The following KAZN variants were observed in gnomAD, a reference collection of about 807,000 sequenced individuals.
The protein encoded by KAZN is kazrin, periplakin interacting protein, also known as kazrin.
Under a neutral mutation model 87.4 loss-of-function variants are expected in KAZN, and 40 were observed. That is an observed-to-expected ratio of 0.46 (90% CI 0.36 to 0.60). The LOEUF is 0.60. Ranked by LOEUF, KAZN falls within the 20% of genes least tolerant of loss-of-function variation. KAZN has a pLI of 0.00. For missense variants in KAZN, 898 were observed against 1,073.9 expected (o/e 0.84, Z 2.29); for synonymous variants, 466 against 458.3 (o/e 1.02, Z -0.22).
chr1:15,008,935 C>G (rs550011464), intron 2 of KAZN, among the ~76,000 whole-genome samples: 3 of 152,216 alleles, frequency 2.0e-5, no homozygotes, highest in African/African-American at 4.8e-5. Flanking sequence ...GTTATTCCCC[C>G]CTGGACAATC....
intron 1 of KAZN, among the ~76,000 whole-genome samples, chr1:13,923,657 G>A (rs1006580008): frequency 1.3e-5 from 2 of 151,154 alleles, no homozygotes; most frequent in Non-Finnish European, 2.9e-5. Context: ...TCGCCTTCAT[G>A]CTGAGTAGGC....
intron 1 of KAZN, among the ~76,000 whole-genome samples, chr1:14,620,984 G>A (rs1256434607): frequency 2.0e-5 from 3 of 152,146 alleles, no homozygotes; most frequent in African/African-American, 7.2e-5. Context: ...GGAAACTGGA[G>A]CTGTCACATC....
intron 2 of KAZN, among the ~76,000 whole-genome samples, chr1:15,030,886 C>T (rs542513216): frequency 6.6e-6 from 1 of 152,240 alleles, no homozygotes; most frequent in South Asian, 2.1e-4. Flanking sequence ...GGAATTTAAA[C>T]AGCTGCCTGA....
intron 2 of KAZN, among the ~76,000 whole-genome samples, chr1:14,320,507 C>T (rs1413827370): frequency 6.6e-6 from 1 of 152,170 alleles, no homozygotes; most frequent in Non-Finnish European, 1.5e-5. Flanking sequence ...CCCTACACAC[C>T]TGCAACCCCC....
At chr1:14,732,473 T>C (rs896124508) in intron 1 of KAZN, among the ~76,000 whole-genome samples, 6 of 152,114 alleles carry the variant, frequency 3.9e-5, no homozygotes, top group Admixed American at 1.3e-4. Context: ...ACCCCCTCTC[T>C]ATAAAAAATA....
At chr1:14,777,120 T>G (rs1425476001) in intron 1 of KAZN, among the ~76,000 whole-genome samples, 1 of 151,636 alleles carries the variant, frequency 6.6e-6, no homozygotes, top group African/African-American at 2.4e-5. Flanking sequence ...CCTGAGTAGC[T>G]GGGACTACAG....
At chr1:14,425,862 A>C (rs369379740) in intron 2 of KAZN, among the ~76,000 whole-genome samples, 4 of 152,310 alleles carry the variant, frequency 2.6e-5, no homozygotes, top group African/African-American at 7.2e-5. Context: ...ATGAGATTTG[A>C]GTCCAAGTTT....
chr1:14,100,268 C>A (rs985214497), intron 1 of KAZN, among the ~76,000 whole-genome samples: 1 of 152,166 alleles, frequency 6.6e-6, no homozygotes, highest in Non-Finnish European at 1.5e-5. Flanking sequence ...GAATCTGAGG[C>A]ATACACGGAG....
At chr1:15,055,630 C>T (rs1385747118) in intron 4 of KAZN, among the ~76,000 whole-genome samples, 1 of 152,196 alleles carries the variant, frequency 6.6e-6, no homozygotes, top group Non-Finnish European at 1.5e-5. Context: ...AACTTCACTT[C>T]TTCTACTTGT....
At chr1:14,638,159 C>T (rs973697707) in intron 1 of KAZN, among the ~76,000 whole-genome samples, 1 of 152,204 alleles carries the variant, frequency 6.6e-6, no homozygotes, top group Non-Finnish European at 1.5e-5. Flanking sequence ...CTCGTCTCAA[C>T]GAATCACCTC....
At position 14,773,305 on chromosome 1, in the gene KAZN, G is replaced by A. The variant is rs1327897050; in HGVS notation, c.226+174082G>A. Among the ~76,000 whole-genome samples, 3 of 152,076 alleles carry A rather than the reference G, an allele frequency of 2.0e-5. No individual in the cohort carries two copies. The highest frequency in any genetic ancestry group is 2.9e-5 in the Non-Finnish European group (2 of 68,006). ...CTGTGGCACACAGTGGTGGCCTGGC[G>A]TATGAGAAGACCACCCCCCACCCAA... On this transcript the variant is annotated intron_variant, in intron 1 of 14. Coordinates refer to ENST00000376030, the MANE Select transcript of KAZN (RefSeq NM_201628.3). This position sits in a 1 kb window ranked among gnomAD's most constrained non-coding sequence, Gnocchi z 5.9.
intron 2 of KAZN, among the ~76,000 whole-genome samples, chr1:14,262,631 CA>C (rs1465205194): frequency 2.0e-5 from 3 of 152,158 alleles, no homozygotes; most frequent in African/African-American, 4.8e-5. Flanking sequence ...GAAGGACCCC[CA>C]TGATAAAACC....
At chr1:14,466,054 C>T (rs774857568) in intron 2 of KAZN, among the ~76,000 whole-genome samples, 1 of 152,174 alleles carries the variant, frequency 6.6e-6, no homozygotes. Context: ...CTATACCATA[C>T]AGTTTAGGTA....
At chr1:14,826,644 C>A (rs890878890) in intron 1 of KAZN, among the ~76,000 whole-genome samples, 6 of 152,150 alleles carry the variant, frequency 3.9e-5, no homozygotes, top group African/African-American at 1.4e-4. Flanking sequence ...CATGCATGCC[C>A]CCACTGAGAC....
At chr1:15,093,403 C>T (rs1012055271) in intron 8 of KAZN, among the ~76,000 whole-genome samples, 3 of 151,926 alleles carry the variant, frequency 2.0e-5, no homozygotes, top group Non-Finnish European at 4.4e-5. Context: ...TAAGGACGCG[C>T]GCCCAGGAGA....
At chr1:14,450,604 A>G (rs907343064) in intron 2 of KAZN, among the ~76,000 whole-genome samples, 1 of 152,040 alleles carries the variant, frequency 6.6e-6, no homozygotes, top group South Asian at 2.1e-4. Context: ...AAACAAACAA[A>G]AAACAACAAC....
At chr1:14,874,144 A>G (rs1652484835) in intron 1 of KAZN, among the ~76,000 whole-genome samples, 1 of 152,208 alleles carries the variant, frequency 6.6e-6, no homozygotes, top group Non-Finnish European at 1.5e-5. Flanking sequence ...AATCATCAGC[A>G]TATACAGATG....
At chr1:14,812,540 G>A (rs1462824936) in intron 1 of KAZN, among the ~76,000 whole-genome samples, 1 of 152,186 alleles carries the variant, frequency 6.6e-6, no homozygotes, top group African/African-American at 2.4e-5. Flanking sequence ...TTGAAATAGA[G>A]TCTTGCTCTA....
chr1:14,851,910 G>C (rs1649493414), intron 1 of KAZN, among the ~76,000 whole-genome samples: 1 of 152,226 alleles, frequency 6.6e-6, no homozygotes, highest in African/African-American at 2.4e-5. Flanking sequence ...AGCTCACCCG[G>C]AATCCTCAGG....
Sources: gnomAD v4.1 joint callset for allele counts (sites outside exome capture counted in the v4.1 genomes callset) on GRCh38, gnomAD v4.1.1 for gene constraint, Gnocchi (gnomAD v3.1) non-coding constraint, MANE v1.5 for transcripts, NCBI Gene and HGNC (gene_info 2026-07-23, HGNC 2026-07-21) for gene names.